The following CALCR variants were observed in gnomAD, a reference collection of about 807,000 sequenced individuals.
CALCR encodes the protein calcitonin receptor.
In CALCR, 47 loss-of-function variants were observed where a neutral mutation model predicts 59.5. The observed-to-expected ratio is 0.79, with a 90% CI of 0.63 to 1.01. The LOEUF (loss-of-function observed/expected upper bound fraction) is 1.01. CALCR is among the 50% of genes least tolerant of loss of function. The probability of loss-of-function intolerance (pLI) is 0.00; values close to 1 mark genes in which losing one functional copy is unlikely to be tolerated. For synonymous variants in CALCR, 213 were observed against 211.3 expected (o/e 1.01, Z -0.07); for missense variants, 566 against 597.1 (o/e 0.95, Z 0.54).
At chr7:93,446,526 A>C (rs1212767002) in intron 8 of CALCR, among the ~76,000 whole-genome samples, 1 of 152,036 alleles carries the variant, frequency 6.6e-6, no homozygotes, top group Non-Finnish European at 1.5e-5. Context: ...TTCAACAAAC[A>C]TTTATGGAAC....
intron 2 of CALCR, among the ~76,000 whole-genome samples, chr7:93,506,215 C>T (rs10155985): frequency 0.051 from 7,727 of 152,140 alleles, 690 homozygotes; most frequent in African/African-American, 0.18. Flanking sequence ...AAAATGATGC[C>T]GCTTCACTAG....
At chr7:93,503,276 C>G (rs1165852332) in intron 2 of CALCR, among the ~76,000 whole-genome samples, 1 of 152,134 alleles carries the variant, frequency 6.6e-6, no homozygotes, top group Non-Finnish European at 1.5e-5. Flanking sequence ...GGGAGCAACG[C>G]TTTGCTCAGA....
intron 2 of CALCR, among the ~76,000 whole-genome samples, chr7:93,518,692 A>G (rs1341388895): frequency 6.6e-6 from 1 of 151,986 alleles, no homozygotes; most frequent in Non-Finnish European, 1.5e-5. Context: ...GAAACAATCT[A>G]GAATACTGAT....
intron 2 of CALCR, among the ~76,000 whole-genome samples, chr7:93,564,142 T>G (rs1439504938): frequency 6.6e-6 from 1 of 152,146 alleles, no homozygotes; most frequent in African/African-American, 2.4e-5. Context: ...GATCAAAGTT[T>G]CACACTTGTC....
At chr7:93,551,028 A>T (rs933317578) in intron 2 of CALCR, among the ~76,000 whole-genome samples, 29 of 152,350 alleles carry the variant, frequency 1.9e-4, no homozygotes, top group Admixed American at 8.5e-4. Context: ...GGAAGAAGCC[A>T]TTATGAGTGA....
chr7:93,435,792 C>T (rs539322824), intron 12 of CALCR, among the ~76,000 whole-genome samples, 160 bp downstream of exon 12: 4 of 142,892 alleles, frequency 2.8e-5, no homozygotes, highest in African/African-American at 1.0e-4. Context: ...GTGGACAGAG[C>T]GAGACTCTGT....
At chr7:93,464,209 G>A (rs1466613914) in intron 7 of CALCR, among the ~76,000 whole-genome samples, 1 of 151,942 alleles carries the variant, frequency 6.6e-6, no homozygotes, top group African/African-American at 2.4e-5. Flanking sequence ...TTTGATATTG[G>A]TCTTGAGTTT....
chr7:93,437,382 C>A lies in CALCR; in HGVS notation c.930+678G>T, dbSNP rs754273527. Reference sequence around the variant, plus strand: ...TAACAGATAAAGATATGGAGCAGTACTAAGTTTTAATGACCTAGAGTTAGA... The same window carrying A: ...TAACAGATAAAGATATGGAGCAGTAATAAGTTTTAATGACCTAGAGTTAGA... On this transcript the variant is annotated intron_variant, in intron 11 of 13. Transcript: ENST00000426151. 1.6e-3 allele frequency among the ~76,000 whole-genome samples: 240 copies of A among 152,098 alleles called. 1 individual carries two copies. Among genetic ancestry groups the A allele is most frequent in the Non-Finnish European group, 1.9e-3 (128 of 67,964 alleles).
chr7:93,512,269 C>T (rs1444789130), intron 2 of CALCR, among the ~76,000 whole-genome samples: 1 of 152,142 alleles, frequency 6.6e-6, no homozygotes, highest in African/African-American at 2.4e-5. Context: ...TACATAACAG[C>T]CCTGTATGGT....
intron 2 of CALCR, among the ~76,000 whole-genome samples, chr7:93,534,818 C>T (rs935681570): frequency 4.0e-5 from 6 of 151,564 alleles, no homozygotes; most frequent in African/African-American, 1.5e-4. Context: ...AATCCTAGTC[C>T]AGAGAGCTAG....
chr7:93,500,853 C>T (rs1352789256), intron 2 of CALCR, among the ~76,000 whole-genome samples: 1 of 151,968 alleles, frequency 6.6e-6, no homozygotes, highest in Non-Finnish European at 1.5e-5. Flanking sequence ...CTTGCTCCTG[C>T]ATTTCCAATT....
chr7:93,537,725 C>T (rs1789028005), intron 2 of CALCR, among the ~76,000 whole-genome samples: 2 of 151,784 alleles, frequency 1.3e-5, no homozygotes, highest in Non-Finnish European at 3.0e-5. Flanking sequence ...CACACACACA[C>T]ACACATACAT....
At chr7:93,551,402 C>T (rs1195590848) in intron 2 of CALCR, among the ~76,000 whole-genome samples, 3 of 152,128 alleles carry the variant, frequency 2.0e-5, no homozygotes, top group African/African-American at 2.4e-5. Flanking sequence ...AGCGATGTCC[C>T]TATTTATTAC....
chr7:93,569,911 A>G (rs1016727705), intron 2 of CALCR, among the ~76,000 whole-genome samples: 4 of 150,216 alleles, frequency 2.7e-5, no homozygotes, highest in African/African-American at 9.9e-5. Flanking sequence ...AAGCAGCTCT[A>G]CAATGGAACC....
At chr7:93,519,108 A>G (rs1458548459) in intron 2 of CALCR, among the ~76,000 whole-genome samples, 1 of 151,972 alleles carries the variant, frequency 6.6e-6, no homozygotes, top group African/African-American at 2.4e-5. Context: ...GAGTTCTTAT[A>G]TGAAGGCTTT....
At chr7:93,448,884 G>A (rs1800055219) in intron 8 of CALCR, among the ~76,000 whole-genome samples, 4 of 151,832 alleles carry the variant, frequency 2.6e-5, no homozygotes, top group South Asian at 4.1e-4. Flanking sequence ...TTTCAAATTC[G>A]CATGGACAAA....
intron 2 of CALCR, among the ~76,000 whole-genome samples, chr7:93,557,939 C>T (rs993214599): frequency 1.3e-5 from 2 of 151,990 alleles, no homozygotes; most frequent in African/African-American, 2.4e-5. Context: ...AAAGCAAGAC[C>T]CTAACTCTTT....
At chr7:93,482,704 C>G (rs1348917267) in intron 3 of CALCR, 1 of 505,026 alleles carries the variant, frequency 2.0e-6, no homozygotes, top group Non-Finnish European at 4.1e-6. Flanking sequence ...ACATCAGTAA[C>G]AGTGGAAATA....
intron 2 of CALCR, chr7:93,496,111 A>G (rs1801196594): frequency 1.8e-6 from 1 of 552,428 alleles, no homozygotes; most frequent in Non-Finnish European, 3.1e-6. Flanking sequence ...CAAAATGTCA[A>G]TGTCTGAAAA....
Sources: allele counts gnomAD v4.1 joint callset (sites outside exome capture counted in the v4.1 genomes callset), GRCh38; gene constraint gnomAD v4.1.1; transcripts MANE v1.5; gene names NCBI Gene and HGNC (gene_info 2026-07-23, HGNC 2026-07-21).